ANKS1B: variants seen among roughly 807,000 people sequenced by gnomAD.
ANKS1B encodes ankyrin repeat and sterile alpha motif domain-containing protein 1B.
Under a neutral mutation model 148.3 loss-of-function variants are expected in ANKS1B, and 36 were observed. The ratio of observed to expected loss-of-function variants is 0.24; its 90% CI spans 0.19 to 0.32. ANKS1B has a LOEUF of 0.32. ANKS1B is among the 10% of genes least tolerant of loss of function. ANKS1B has a pLI of 1.00. For missense variants in ANKS1B, 1,157 were observed against 1,542.6 expected, an observed-to-expected ratio of 0.75 and a Z score of 4.19; for synonymous variants, 542 against 560.8, an observed-to-expected ratio of 0.97 and a Z score of 0.47.
chr12:99,753,920 G>C (rs1342256024), intron 8 of ANKS1B, among the ~76,000 whole-genome samples: 1 of 152,070 alleles, frequency 6.6e-6, no homozygotes, highest in South Asian at 2.1e-4. Flanking sequence ...CAACTCAGGA[G>C]GTTGAGGCAG....
chr12:99,602,780 T>C (rs557614846), intron 9 of ANKS1B, among the ~76,000 whole-genome samples: 1 of 152,130 alleles, frequency 6.6e-6, no homozygotes, highest in South Asian at 2.1e-4. Flanking sequence ...AAAAATATTA[T>C]TTTGGAGAGT....
At chr12:99,426,346 T>C (rs2095254664) in intron 11 of ANKS1B, among the ~76,000 whole-genome samples, 1 of 152,154 alleles carries the variant, frequency 6.6e-6, no homozygotes, top group Admixed American at 6.6e-5. Context: ...TGGAAATTAA[T>C]AGAAGATATA....
chr12:99,132,537 C>T (rs200137068), intron 15 of ANKS1B, among the ~76,000 whole-genome samples: 34 of 151,280 alleles, frequency 2.2e-4, no homozygotes, highest in Non-Finnish European at 4.1e-4. Context: ...TGAGGGATTA[C>T]GTTAGGTATA....
At chr12:98,869,345 C>T (rs1375946370) in intron 17 of ANKS1B, among the ~76,000 whole-genome samples, 4 of 152,094 alleles carry the variant, frequency 2.6e-5, no homozygotes, top group South Asian at 2.1e-4. Context: ...TGCTCCCCTA[C>T]GAGGACTGGG....
chr12:98,755,119 T>G (rs2098201331), intron 25 of ANKS1B, among the ~76,000 whole-genome samples: 1 of 152,030 alleles, frequency 6.6e-6, no homozygotes, highest in Non-Finnish European at 1.5e-5. Flanking sequence ...CAGGGCCCTT[T>G]CGGGGAAACA....
At chr12:99,714,115 C>T (rs1201132415) in intron 8 of ANKS1B, among the ~76,000 whole-genome samples, 5 of 152,082 alleles carry the variant, frequency 3.3e-5, no homozygotes, top group Admixed American at 6.5e-5. Flanking sequence ...CATTCCTTGC[C>T]TTTCCCAGCT....
rs1268664527 is a variant in ANKS1B, at chr12:99,946,090, T to C, written c.134+38014A>G. 2.6e-5 allele frequency among the ~76,000 whole-genome samples: 4 copies of C among 152,154 alleles called. No individual in the cohort carries two copies. The East Asian group carries it at 7.7e-4, about 29-fold the overall frequency. On this transcript the variant is annotated intron_variant, in intron 1 of 26. Transcript: ENST00000683438. ...CTGAGAAATTGGAGGTTGTTTGTTA[T>C]GGAAGGATAACCTAACCTGTAATGA...
intron 9 of ANKS1B, among the ~76,000 whole-genome samples, chr12:99,507,820 AT>A (rs1555463033): frequency 6.6e-6 from 1 of 151,938 alleles, no homozygotes; most frequent in East Asian, 1.9e-4. Context: ...ATGCAAGATA[AT>A]TTTTTTAAAA....
intron 1 of ANKS1B, among the ~76,000 whole-genome samples, chr12:99,964,876 T>C (rs1410644100): frequency 6.6e-6 from 1 of 151,988 alleles, no homozygotes; most frequent in East Asian, 1.9e-4. Context: ...AAGGAGGACA[T>C]TAACAGAAGG....
In ANKS1B at chr12:98,854,634, T is replaced by C. The variant is rs1207510920; in HGVS notation, c.2779-22498A>G. ...TTAGAATATCATTCTAAATTGCTTT[T>C]TGCAATGTCATTTCTTATGCATTTC... On this transcript the variant is annotated intron_variant, in intron 17 of 26. Transcript: ENST00000683438. Among the ~76,000 whole-genome samples, 3 of 152,224 alleles carry C rather than the reference T, an allele frequency of 2.0e-5. No homozygotes were observed. In the East Asian group the frequency reaches 5.8e-4, roughly 29 times the overall value.
At chr12:99,133,430 G>A (rs1313965834) in intron 15 of ANKS1B, among the ~76,000 whole-genome samples, 1 of 152,132 alleles carries the variant, frequency 6.6e-6, no homozygotes, top group Non-Finnish European at 1.5e-5. Flanking sequence ...AAAATAAGAA[G>A]AACCATCCTT....
chr12:99,726,632 A>C (rs1380871951), intron 8 of ANKS1B, among the ~76,000 whole-genome samples: 8 of 152,290 alleles, frequency 5.3e-5, no homozygotes, highest in Admixed American at 4.6e-4. Context: ...TCCCTAACTA[A>C]TTTTATGAGG....
At position 98,829,704 on chromosome 12, in the gene ANKS1B, A is replaced by C. The variant is rs1170524019; in HGVS notation, c.2887-351T>G. 6.6e-6 allele frequency among the ~76,000 whole-genome samples: 1 copy of C among 152,178 alleles called. No individual in the cohort carries two copies. Among genetic ancestry groups the C allele is most frequent in the Admixed American group, 6.5e-5 (1 of 15,276 alleles). The stretch of plus-strand genomic sequence containing the variant: ...GCCCTCATGTGGGCAGAGCGTCCTC[A>C]CCATGGTAGATGCCATGATGAGAAA... On this transcript the variant is annotated intron_variant, in intron 18 of 26. Coordinates refer to ENST00000683438, the MANE Select transcript of ANKS1B (RefSeq NM_001352186.2). The surrounding 1 kb of genome is among the most constrained non-coding windows in gnomAD (Gnocchi z 5.2).
At chr12:99,144,412 T>C (rs1052694681) in intron 15 of ANKS1B, among the ~76,000 whole-genome samples, 5 of 152,052 alleles carry the variant, frequency 3.3e-5, no homozygotes, top group Non-Finnish European at 7.4e-5. Context: ...ATTAGAAAGA[T>C]TGAATTCATC....
At chr12:98,994,554 G>C (rs2099928431) in intron 17 of ANKS1B, among the ~76,000 whole-genome samples, 1 of 152,198 alleles carries the variant, frequency 6.6e-6, no homozygotes, top group Non-Finnish European at 1.5e-5. Context: ...AGGAGGCGGA[G>C]GTTGCAGTGA....
At chr12:99,334,151 TAGAC>T (rs750913591) in intron 12 of ANKS1B, among the ~76,000 whole-genome samples, 243 of 150,264 alleles carry the variant, frequency 1.6e-3, no homozygotes, top group South Asian at 2.1e-3. Context: ...GATAGATAGA[TAGAC>T]AGACAGACAG....
intron 8 of ANKS1B, among the ~76,000 whole-genome samples, chr12:99,716,957 A>T (rs1014490464): frequency 3.3e-5 from 5 of 152,158 alleles, no homozygotes; most frequent in African/African-American, 1.2e-4. Context: ...TCATTCCGTG[A>T]CTAGCCCTCA....
At chr12:99,009,536 G>A (rs1598397820) in intron 17 of ANKS1B, among the ~76,000 whole-genome samples, 1 of 152,164 alleles carries the variant, frequency 6.6e-6, no homozygotes, top group African/African-American at 2.4e-5. Flanking sequence ...GTTTTGGAGA[G>A]GAGAGGCATA....
At chr12:99,660,520 C>T (rs1369790211) in intron 8 of ANKS1B, among the ~76,000 whole-genome samples, 1 of 151,814 alleles carries the variant, frequency 6.6e-6, no homozygotes, top group Non-Finnish European at 1.5e-5. Flanking sequence ...CCCACCATCA[C>T]ACCTAATTTT....
Sources: allele counts gnomAD v4.1 joint callset (sites outside exome capture counted in the v4.1 genomes callset), GRCh38; gene constraint gnomAD v4.1.1; non-coding constraint Gnocchi (gnomAD v3.1); transcripts MANE v1.5; gene names NCBI Gene and HGNC (gene_info 2026-07-23, HGNC 2026-07-21).